The following NKAIN3 variants were observed in gnomAD, a reference collection of about 807,000 sequenced individuals.
NKAIN3 encodes sodium/potassium-transporting ATPase subunit beta-1-interacting protein 3.
A neutral mutation model predicts 30.2 loss-of-function variants in NKAIN3; 25 were observed. That is an observed-to-expected ratio of 0.83 (90% CI 0.60 to 1.16). The LOEUF (loss-of-function observed/expected upper bound fraction) is 1.16, where lower values mean the gene tolerates loss of function less well. Among genes scored for constraint, NKAIN3 ranks in the 50% most tolerant of loss-of-function variants. The probability of loss-of-function intolerance (pLI) is 0.00; values close to 1 mark genes in which losing one functional copy is unlikely to be tolerated. For missense variants in NKAIN3, 225 were observed against 254.1 expected, an observed-to-expected ratio of 0.89 and a Z score of 0.78; for synonymous variants, 91 against 89.6, an observed-to-expected ratio of 1.02 and a Z score of -0.09.
chr8:62,522,387 G>A (rs182860231), intron 1 of NKAIN3, among the ~76,000 whole-genome samples: 1 of 152,196 alleles, frequency 6.6e-6, no homozygotes, highest in East Asian at 1.9e-4. Context: ...ACTTGATAAT[G>A]ATAGTACATG....
At chr8:62,403,932 G>A (rs917516842) in intron 1 of NKAIN3, among the ~76,000 whole-genome samples, 10 of 152,226 alleles carry the variant, frequency 6.6e-5, no homozygotes, top group African/African-American at 2.4e-4. Flanking sequence ...AGCTGGGAGG[G>A]GGACTGTACC....
At chr8:62,787,947 G>T (rs1817576883) in intron 4 of NKAIN3, among the ~76,000 whole-genome samples, 1 of 152,104 alleles carries the variant, frequency 6.6e-6, no homozygotes, top group South Asian at 2.1e-4. Flanking sequence ...CATCTGGCTT[G>T]GTTCCAAGTC....
At chr8:62,801,200 A>G (rs1818051379) in intron 4 of NKAIN3, among the ~76,000 whole-genome samples, 1 of 152,182 alleles carries the variant, frequency 6.6e-6, no homozygotes, top group South Asian at 2.1e-4. Context: ...GCACAGAAAA[A>G]CAAAAAGACA....
At chr8:62,515,990 G>A (rs765990904) in intron 1 of NKAIN3, among the ~76,000 whole-genome samples, 5 of 151,814 alleles carry the variant, frequency 3.3e-5, no homozygotes, top group Non-Finnish European at 7.4e-5. Context: ...TTCCCAGTCT[G>A]TGATCTGTCT....
At chr8:62,408,515 T>G (rs183048716) in intron 1 of NKAIN3, among the ~76,000 whole-genome samples, 2 of 152,324 alleles carry the variant, frequency 1.3e-5, no homozygotes, top group African/African-American at 4.8e-5. Context: ...ATGTTTCTTA[T>G]AGAGCACTAA....
In NKAIN3 at chr8:62,647,993, A is replaced by G. The variant is rs964293815; in HGVS notation, c.273+58199A>G. Among the ~76,000 whole-genome samples, 6 of 152,256 alleles carry G rather than the reference A, an allele frequency of 3.9e-5. No individual in the cohort carries two copies. The South Asian group carries it at 1.2e-3, about 32-fold the overall frequency. ...TTTAGAGGTAATATCGTCAAGGCCT[A>G]TGAGAAACAGGATGTACAGAATGAG... is the stretch of plus-strand genomic sequence containing the variant. On this transcript the variant is annotated intron_variant, in intron 3 of 6. Transcript: ENST00000623646.
At chr8:62,918,194 A>G (rs1413070991) in intron 4 of NKAIN3, among the ~76,000 whole-genome samples, 1 of 152,212 alleles carries the variant, frequency 6.6e-6, no homozygotes, top group Non-Finnish European at 1.5e-5. Flanking sequence ...CAGGAACTGT[A>G]AGTCCCAAAT....
At chr8:62,594,754 T>A (rs1334058975) in intron 3 of NKAIN3, among the ~76,000 whole-genome samples, 1 of 151,936 alleles carries the variant, frequency 6.6e-6, no homozygotes, top group Non-Finnish European at 1.5e-5. Flanking sequence ...ACAATGACTT[T>A]AGATTTTGTT....
chr8:62,986,231 A>G (rs999291614), downstream of NKAIN3, among the ~76,000 whole-genome samples: 1 of 152,200 alleles, frequency 6.6e-6, no homozygotes, highest in Admixed American at 6.5e-5. Flanking sequence ...TCTCTTATCT[A>G]TAAGGAACAT....
At chr8:62,686,694 A>C (rs1223244489) in intron 3 of NKAIN3, among the ~76,000 whole-genome samples, 3 of 152,162 alleles carry the variant, frequency 2.0e-5, no homozygotes, top group Admixed American at 6.5e-5. Flanking sequence ...TATTGCCCAC[A>C]ACACTCTCAA....
intron 1 of NKAIN3, 24 bp downstream of exon 1, chr8:62,249,151 C>CCCAGGACAGGTCCCTGCT: frequency 1.3e-6 from 2 of 1,522,670 alleles, no homozygotes; most frequent in African/African-American, 1.4e-5. Flanking sequence ...GGGCCCCTGC[C>CCCAGGACAGGTCCCTGCT]CCAGGACAGG....
intron 1 of NKAIN3, among the ~76,000 whole-genome samples, chr8:62,298,467 G>C (rs1813920350): frequency 6.6e-6 from 1 of 152,138 alleles, no homozygotes; most frequent in East Asian, 1.9e-4. Flanking sequence ...TCCCACCACA[G>C]TTAAGATGGT....
intron 1 of NKAIN3, among the ~76,000 whole-genome samples, chr8:62,254,231 G>A (rs537381219): frequency 6.7e-6 from 1 of 149,474 alleles, no homozygotes; most frequent in Admixed American, 6.7e-5. Flanking sequence ...GGATACATAA[G>A]GGTTCTGTTT....
chr8:62,880,121 T>C (rs1472305703), intron 4 of NKAIN3, among the ~76,000 whole-genome samples: 1 of 152,170 alleles, frequency 6.6e-6, no homozygotes, highest in East Asian at 1.9e-4. Context: ...CATTTAAACA[T>C]AAATTTTGTG....
intron 1 of NKAIN3, among the ~76,000 whole-genome samples, chr8:62,539,753 CTAATTT>C (rs1808781067): frequency 6.6e-6 from 1 of 152,110 alleles, no homozygotes; most frequent in Non-Finnish European, 1.5e-5. Context: ...CCACACCTGG[CTAATTT>C]TAGTAGAGAC....
intron 1 of NKAIN3, among the ~76,000 whole-genome samples, chr8:62,339,327 G>T (rs1815666869): frequency 6.6e-6 from 1 of 152,010 alleles, no homozygotes; most frequent in African/African-American, 2.4e-5. Flanking sequence ...CAGATAGGAA[G>T]CTATTCAAGT....
chr8:62,909,626 T>A (rs2130847946), intron 4 of NKAIN3, among the ~76,000 whole-genome samples: 1 of 152,280 alleles, frequency 6.6e-6, no homozygotes, highest in East Asian at 1.9e-4. Flanking sequence ...AAATTGATGA[T>A]CAACATGATG....
At chr8:62,524,149 T>G (rs1808233590) in intron 1 of NKAIN3, among the ~76,000 whole-genome samples, 1 of 151,816 alleles carries the variant, frequency 6.6e-6, no homozygotes, top group African/African-American at 2.4e-5. Flanking sequence ...ATCCTGGTCA[T>G]GCATGTGTAT....
chr8:62,300,372 A>G (rs1814003681), intron 1 of NKAIN3, among the ~76,000 whole-genome samples: 1 of 152,152 alleles, frequency 6.6e-6, no homozygotes, highest in Non-Finnish European at 1.5e-5. Context: ...ACTTAACTTT[A>G]TCTGGGTAAC....
Sources: gnomAD v4.1 joint callset for allele counts (sites outside exome capture counted in the v4.1 genomes callset) on GRCh38, gnomAD v4.1.1 for gene constraint, MANE v1.5 for transcripts, NCBI Gene and HGNC (gene_info 2026-07-23, HGNC 2026-07-21) for gene names.